Variants in CHD4 observed in about 807,000 individuals in gnomAD.
The protein encoded by CHD4 is ATP-dependent chromatin remodeler CHD4.
Under a neutral mutation model 235.5 loss-of-function variants are expected in CHD4, and 35 were observed. The ratio of observed to expected loss-of-function variants is 0.15; its 90% CI spans 0.11 to 0.20. The LOEUF (loss-of-function observed/expected upper bound fraction) is 0.20. Ranked by LOEUF, CHD4 falls within the 10% of genes least tolerant of loss-of-function variation. The pLI, the probability that CHD4 is intolerant of heterozygous loss-of-function variation, is 1.00. For missense variants in CHD4, 1,329 were observed against 2,432.3 expected (o/e 0.55, Z 9.54); for synonymous variants, 900 against 850.2 (o/e 1.06, Z -1.02).
chr12:6,604,709 G>A (rs1002444069), intron 2 of CHD4, among the ~76,000 whole-genome samples: 1 of 152,110 alleles, frequency 6.6e-6, no homozygotes, highest in Non-Finnish European at 1.5e-5. Flanking sequence ...TGCTGAAATG[G>A]CAAACCGCAA....
chr12:6,572,568 T>C (rs998267260), intron 38 of CHD4, among the ~76,000 whole-genome samples: 2 of 152,154 alleles, frequency 1.3e-5, no homozygotes, highest in African/African-American at 4.8e-5. Context: ...CCATCTCTTT[T>C]TTTTCTGGAG....
chr12:6,581,198 CA>C, intron 32 of CHD4, 25 bp from the exon 33 acceptor site: 1 of 1,610,332 alleles, frequency 6.2e-7, no homozygotes, highest in Non-Finnish European at 8.5e-7. Context: ...AAAACAAAAA[CA>C]AAACAGATGA....
At position 6,591,838 on chromosome 12, in the gene CHD4, G is replaced by A. The variant is rs1424233429; in HGVS notation, c.3091-13C>T. 1 of 1,613,818 alleles carries A rather than the reference G, an allele frequency of 6.2e-7. No homozygotes were observed. Among genetic ancestry groups the A allele is most frequent in the African/African-American group, 1.3e-5 (1 of 74,948 alleles). On this transcript the variant is annotated splice_polypyrimidine_tract_variant and intron_variant, in intron 20 of 39. Transcript: ENST00000544040. The stretch of plus-strand genomic sequence containing the variant: ...TCTTAGGAGCTTCCTGAGAACAAAT[G>A]CAAAGAAAAAAGTATTAAAAGAAAG...
At chr12:6,601,897 G>A (rs947383441) in intron 4 of CHD4, 63 bp downstream of exon 4, 1 of 1,576,138 alleles carries the variant, frequency 6.3e-7, no homozygotes, top group Non-Finnish European at 8.7e-7. Context: ...GGGCAGTAAG[G>A]TGTCTAGGAA....
rs151101744 is a variant in CHD4 at position 6,570,841 on chromosome 12, G to A, written c.5721+28C>T. ...GCTCCAGAATGGTTCTGCAGGAAGA[G>A]GTGGTGTCAAGAAGAAAATGGTCCT... On this transcript the variant is annotated intron_variant, in intron 39 of 39. Transcript: ENST00000544040. The A allele has an allele frequency of 7.4e-6, 12 of 1,613,810 alleles. No homozygotes were observed. The African/African-American group carries it at 9.3e-5, about 13-fold the overall frequency.
At chr12:6,600,437 T>C (rs1389129568) in intron 8 of CHD4, 42 bp from the exon 9 acceptor site, 2 of 1,610,088 alleles carry the variant, frequency 1.2e-6, no homozygotes, top group African/African-American at 2.7e-5. Flanking sequence ...GGAAAAAAAC[T>C]ACCTCCCCCC....
chr12:6,593,754 T>C lies in CHD4; in HGVS notation c.2314-138A>G. On this transcript the variant is annotated intron_variant, in intron 15 of 39. Transcript: ENST00000544040. This position sits in a 1 kb window ranked among gnomAD's most constrained non-coding sequence, Gnocchi z 4.9. ...GCTGCTGCTCCTGCTCTCACCTTCCTCTATACAAGTGCCCAGCCCACTCCT... is the reference window on the plus strand; with the variant it reads ...GCTGCTGCTCCTGCTCTCACCTTCCCCTATACAAGTGCCCAGCCCACTCCT... 1.4e-6 allele frequency: 1 copy of C among 718,730 alleles called. No individual in the cohort carries two copies. Among genetic ancestry groups the C allele is most frequent in the Non-Finnish European group, 2.3e-6 (1 of 435,082 alleles). The allele number at this position is 718,730 out of a possible 1,614,324, so 44.5% of individuals were successfully genotyped here. A position where few individuals can be genotyped will look rare whatever the true frequency, so the allele number is the denominator to read the frequency against.
Position 6,579,852 on chromosome 12 carries a change from G to A in CHD4, c.4910-935C>T, listed in dbSNP as rs567718143. On this transcript the variant is annotated intron_variant, in intron 33 of 39. Transcript: ENST00000544040. The stretch of plus-strand genomic sequence containing the variant: ...CGGGCGGATCACGAGGTCAGGAGGT[G>A]GAGACCATCCTAGCTAACACGGTGA... Among the ~76,000 whole-genome samples, 80 of 151,634 alleles carry A rather than the reference G, an allele frequency of 5.3e-4. 3 individuals carry two copies. Among genetic ancestry groups the A allele is most frequent in the African/African-American group, 1.9e-3 (77 of 41,384 alleles).
At chr12:6,597,312 C>G (rs1948517003) in intron 12 of CHD4, among the ~76,000 whole-genome samples, 1 of 150,940 alleles carries the variant, frequency 6.6e-6, no homozygotes, top group South Asian at 2.1e-4. Flanking sequence ...AAGATAATAA[C>G]ATGAAGTGTC....
In CHD4 at chr12:6,601,547, C is replaced by T. The variant is rs753381050; in HGVS notation, c.558-17G>A. ...ATGAGGGGTCTGGTGGAGAAATGCACAAGAGCAGAGGGAAAGGTTTAAGAA... is the reference window on the plus strand; with the variant it reads ...ATGAGGGGTCTGGTGGAGAAATGCATAAGAGCAGAGGGAAAGGTTTAAGAA... On this transcript the variant is annotated splice_polypyrimidine_tract_variant and intron_variant, in intron 5 of 39. Transcript: ENST00000544040. 2 of 1,613,966 alleles carry T rather than the reference C, an allele frequency of 1.2e-6. No individual in the cohort carries two copies. The highest frequency in any genetic ancestry group is 2.2e-5 in the South Asian group (2 of 91,086).
chr12:6,583,009 A>G lies in CHD4; in HGVS notation c.4147+18T>C, dbSNP rs1463591682. ...AAAGCAACATTTAGAAAAGCAACAA[A>G]AAAAGCACAGCCCTCACCTTCTGAA... On this transcript the variant is annotated intron_variant, in intron 27 of 39. Coordinates refer to ENST00000544040, the MANE Select transcript of CHD4 (RefSeq NM_001273.5). 1.3e-6 allele frequency: 2 copies of G among 1,587,356 alleles called. No individual in the cohort carries two copies. The highest frequency in any genetic ancestry group is 1.7e-6 in the Non-Finnish European group (2 of 1,168,076).
Position 6,600,029 on chromosome 12 carries a change from C to A in CHD4, c.1243-17G>T. The A allele has an allele frequency of 6.2e-7, 1 of 1,612,994 alleles. No homozygotes were observed. The highest frequency in any genetic ancestry group is 8.5e-7 in the Non-Finnish European group (1 of 1,179,170). On this transcript the variant is annotated splice_polypyrimidine_tract_variant and intron_variant, in intron 9 of 39. Transcript: ENST00000544040. ...TTCCTTCTCCTGCAGTAAAGGACCA[C>A]AGATTCAGATTATTACCCCCACCCG...
In CHD4 at chr12:6,596,522, G is replaced by A. The variant is rs370271547; in HGVS notation, c.1893-385C>T. Among the ~76,000 whole-genome samples, 292 of 152,136 alleles carry A rather than the reference G, an allele frequency of 1.9e-3. 3 individuals are homozygous for A. The highest frequency in any genetic ancestry group is 0.014 in the Middle Eastern group (4 of 294). On this transcript the variant is annotated intron_variant, in intron 12 of 39. Transcript: ENST00000544040. ...AAAAAAATTAGCCAGGCATCAGGCC[G>A]GGCGCGGTGGCTCACGCCTATAATC...
chr12:6,600,148 C>T (rs1426356988), intron 9 of CHD4, 69 bp downstream of exon 9: 1 of 1,585,798 alleles, frequency 6.3e-7, no homozygotes, highest in Non-Finnish European at 8.6e-7. Context: ...CCATCCAGGC[C>T]CCGAAGAGCT....
At position 6,581,132 on chromosome 12, in the gene CHD4, G is replaced by C. The variant is rs749193541; in HGVS notation, c.4821C>G (p.Val1607=). 12 of 1,613,846 alleles carry C rather than the reference G, an allele frequency of 7.4e-6. No individual in the cohort carries two copies. Among genetic ancestry groups the C allele is most frequent in the South Asian group, 5.5e-5 (5 of 91,050 alleles). The stretch of plus-strand genomic sequence containing the variant: ...CCTCTCCCTCAGGGGGTTCAACAAC[G>C]ACCTTTTCATCCTCTGAGGCAGGGG... The part of the protein sequence containing the change: ...APAPASEDEK[V]VVEPPEGEEK... Residue 1607 remains valine, a synonymous_variant, in exon 33 of 40, where the codon GTC becomes GTG. Coordinates refer to ENST00000544040, the MANE Select transcript of CHD4 (RefSeq NM_001273.5).
rs143206689 is a variant in CHD4, at chr12:6,602,455, G to A, written c.143C>T (p.Thr48Ile). 3 of 1,614,014 alleles carry A rather than the reference G, an allele frequency of 1.9e-6. No individual in the cohort carries two copies. The highest frequency in any genetic ancestry group is 2.2e-5 in the East Asian group (1 of 44,878). The change falls in exon 3 of 40, where the codon ACT (threonine) becomes ATT (isoleucine). Residue 48 changes from threonine to isoleucine, a missense_variant. By Grantham distance (89) the Thr-to-Ile change is moderately conservative. This residue lies in a region of CHD4 where 213 missense variants were observed against 177.5 expected (regional missense o/e 1.20). Transcript: ENST00000544040. ...DPEEDLSETE[T>I]PKLKKKKKPK... The stretch of plus-strand genomic sequence containing the variant: ...CTTTTTCTTCTTCTTGAGCTTTGGA[G>A]TCTCTGTTTCTGACAAATCCTCTTC...
chr12:6,592,262 G>T, intron 19 of CHD4, 131 bp downstream of exon 19: 1 of 1,309,206 alleles, frequency 7.6e-7, no homozygotes, highest in Non-Finnish European at 1.0e-6. Context: ...CAGCGCCCTA[G>T]CATCAGGTTT....
At chr12:6,589,864 TAA>T (rs1000537694) in intron 22 of CHD4, among the ~76,000 whole-genome samples, 9 of 152,010 alleles carry the variant, frequency 5.9e-5, no homozygotes, top group Admixed American at 1.3e-4. Flanking sequence ...AACCCAAACT[TAA>T]GAGACATTCT....
At chr12:6,594,177 A>C (rs1234086243) in intron 15 of CHD4, among the ~76,000 whole-genome samples, 1 of 152,058 alleles carries the variant, frequency 6.6e-6, no homozygotes, top group East Asian at 1.9e-4. Context: ...TACTTCCCTC[A>C]ACACACAATC....
Sources: gnomAD v4.1 joint callset for allele counts (sites outside exome capture counted in the v4.1 genomes callset) on GRCh38, gnomAD v4.1.1 for gene constraint, gnomAD v4.1.1 regional missense constraint, Gnocchi (gnomAD v3.1) non-coding constraint, MANE v1.5 for transcripts, NCBI Gene and HGNC (gene_info 2026-07-23, HGNC 2026-07-21) for gene names.